The following RIMS2 variants were observed in gnomAD, a reference collection of about 807,000 sequenced individuals.
RIMS2 encodes the protein regulating synaptic membrane exocytosis protein 2.
Under a neutral mutation model 174.4 loss-of-function variants are expected in RIMS2, and 59 were observed. That is an observed-to-expected ratio of 0.34 (90% CI 0.27 to 0.42). RIMS2 has a LOEUF of 0.42. RIMS2 is among the 10% of genes least tolerant of loss of function. The probability of loss-of-function intolerance (pLI) is 1.00; values close to 1 mark genes in which losing one functional copy is unlikely to be tolerated. For missense variants in RIMS2, 1,620 were observed against 1,666.3 expected, an observed-to-expected ratio of 0.97 and a Z score of 0.48; for synonymous variants, 606 against 572.5, an observed-to-expected ratio of 1.06 and a Z score of -0.84.
intron 1 of RIMS2, among the ~76,000 whole-genome samples, chr8:103,603,514 G>A (rs564711315): frequency 6.6e-6 from 1 of 152,130 alleles, no homozygotes; most frequent in South Asian, 2.1e-4. Flanking sequence ...TATATACCCA[G>A]TAATGGGATG....
At chr8:103,767,882 T>C (rs551130907) in intron 3 of RIMS2, among the ~76,000 whole-genome samples, 325 of 152,360 alleles carry the variant, frequency 2.1e-3, no homozygotes, top group Non-Finnish European at 3.6e-3. Flanking sequence ...ACCTCAGAGT[T>C]ATCCTATATA....
intron 2 of RIMS2, among the ~76,000 whole-genome samples, chr8:103,753,104 A>G (rs369321978): frequency 1.3e-5 from 2 of 152,160 alleles, no homozygotes; most frequent in East Asian, 1.9e-4. Context: ...TTTGAGATAC[A>G]TCCCATCAAT....
intron 1 of RIMS2, 33 bp downstream of exon 2, chr8:103,652,270 G>T: frequency 7.7e-7 from 1 of 1,300,354 alleles, no homozygotes; most frequent in Admixed American, 1.9e-5. Context: ...TAGTAGGCTT[G>T]ACTTCTGTAC....
chr8:104,113,602 G>A (rs2098231032), intron 19 of RIMS2, among the ~76,000 whole-genome samples: 1 of 151,852 alleles, frequency 6.6e-6, no homozygotes, highest in Admixed American at 6.6e-5. Context: ...TTGCATCAGG[G>A]ACTATCATTT....
At chr8:104,201,586 TAC>T (rs1257482526) in intron 19 of RIMS2, among the ~76,000 whole-genome samples, 10 of 152,202 alleles carry the variant, frequency 6.6e-5, no homozygotes, top group African/African-American at 2.2e-4. Flanking sequence ...GCTAGAAAAT[TAC>T]ACAGTTAATT....
At chr8:104,038,673 AGCATATTATCATTT>A (rs2096559392) in intron 19 of RIMS2, among the ~76,000 whole-genome samples, 2 of 152,034 alleles carry the variant, frequency 1.3e-5, no homozygotes, top group Admixed American at 6.6e-5. Context: ...AAATACTTAC[AGCATATTATCATTT>A]GCCTAAGACA....
chr8:103,763,045 C>T (rs990273507), intron 2 of RIMS2, among the ~76,000 whole-genome samples: 22 of 151,224 alleles, frequency 1.5e-4, no homozygotes, highest in African/African-American at 2.9e-4. Context: ...TGGGTAGATC[C>T]GGAATTCCTG....
rs373504963 is a variant in RIMS2, at chr8:104,035,526, T to C, written c.3334+20911T>C. ...AGGTAGGTTTTTTTTTTTACTTAAT[T>C]TTACCTTTGGAATTATGTTTTGTAA... On this transcript the variant is annotated intron_variant, in intron 19 of 23. Coordinates refer to ENST00000504942, the Ensembl canonical transcript of RIMS2. Among the ~76,000 whole-genome samples the C allele has an allele frequency of 3.3e-5, 5 of 151,944 alleles. No individual in the cohort carries two copies. In the South Asian group the frequency reaches 8.3e-4, roughly 25 times the overall value.
At position 103,760,757 on chromosome 8, in the gene RIMS2, G is replaced by A. The variant is rs2098102605; in HGVS notation, c.388-5470G>A. ...ACAATATTTGTGCAATTATTTGTTT[G>A]CTTATTGTCTCCCTAGTACACTTTA... On this transcript the variant is annotated intron_variant, in intron 2 of 23. Transcript: ENST00000504942. Among the ~76,000 whole-genome samples the A allele has an allele frequency of 3.3e-5, 5 of 152,266 alleles. No homozygotes were observed. In the South Asian group the frequency reaches 1.0e-3, roughly 32 times the overall value.
At chr8:103,860,423 G>A (rs557262404) in intron 3 of RIMS2, among the ~76,000 whole-genome samples, 5 of 151,912 alleles carry the variant, frequency 3.3e-5, no homozygotes, top group Non-Finnish European at 5.9e-5. Context: ...GTAAATCACC[G>A]TGCATAGTAT....
chr8:103,929,019 T>C (rs888226585), intron 11 of RIMS2, among the ~76,000 whole-genome samples: 2 of 151,664 alleles, frequency 1.3e-5, no homozygotes, highest in Admixed American at 1.3e-4. Flanking sequence ...AGTCCTATAA[T>C]ATAAATAAAA....
intron 1 of RIMS2, among the ~76,000 whole-genome samples, chr8:103,590,916 T>A (rs567521174): frequency 1.3e-4 from 19 of 151,186 alleles, no homozygotes; most frequent in African/African-American, 4.3e-4. Context: ...GTAAGTGAAA[T>A]TGCTGGATCG....
chr8:103,724,093 A>G (rs867172949), intron 2 of RIMS2, among the ~76,000 whole-genome samples: 17 of 116,046 alleles, frequency 1.5e-4, no homozygotes, highest in African/African-American at 5.0e-4. Flanking sequence ...TTGGCACTGT[A>G]CTGCAGGGAT....
chr8:103,662,104 A>T (rs1461999501), intron 1 of RIMS2, among the ~76,000 whole-genome samples: 3 of 152,238 alleles, frequency 2.0e-5, no homozygotes, highest in African/African-American at 7.2e-5. Context: ...AGCTAAAAAA[A>T]GTTTCCAAAA....
intron 19 of RIMS2, among the ~76,000 whole-genome samples, chr8:104,213,117 G>A (rs963832799): frequency 7.2e-5 from 11 of 152,088 alleles, no homozygotes; most frequent in Admixed American, 6.5e-4. Flanking sequence ...TTTGAGACCA[G>A]CCTGGCCAAA....
chr8:104,130,095 G>A (rs1159787623), intron 19 of RIMS2, among the ~76,000 whole-genome samples: 2 of 152,122 alleles, frequency 1.3e-5, no homozygotes, highest in Non-Finnish European at 2.9e-5. Context: ...TCTTTCTTTA[G>A]AGTTATTAAG....
At chr8:104,058,669 G>A (rs369241383) in intron 19 of RIMS2, among the ~76,000 whole-genome samples, 23 of 151,472 alleles carry the variant, frequency 1.5e-4, no homozygotes, top group African/African-American at 5.3e-4. Context: ...ATGGTAATGC[G>A]TAGGTTTTCT....
At chr8:103,867,716 GA>G (rs941695315) in intron 3 of RIMS2, among the ~76,000 whole-genome samples, 11 of 151,682 alleles carry the variant, frequency 7.3e-5, no homozygotes, top group African/African-American at 2.4e-4. Flanking sequence ...TCTAATGTTA[GA>G]AAAAATCTAT....
intron 19 of RIMS2, among the ~76,000 whole-genome samples, chr8:104,214,440 C>A (rs992489110): frequency 1.2e-4 from 18 of 151,976 alleles, no homozygotes; most frequent in Non-Finnish European, 1.5e-4. Context: ...CAGACAAACC[C>A]TTATTGAAAG....
Sources: allele counts gnomAD v4.1 joint callset (sites outside exome capture counted in the v4.1 genomes callset), GRCh38; gene constraint gnomAD v4.1.1; transcripts MANE v1.5; gene names NCBI Gene and HGNC (gene_info 2026-07-23, HGNC 2026-07-21).